Variants in BYSL observed in about 807,000 individuals in gnomAD.
BYSL encodes bystin like, also known as bystin.
In BYSL, 21 loss-of-function variants were observed where a neutral mutation model predicts 45.4. The observed-to-expected ratio is 0.46, with a 90% CI of 0.33 to 0.67. The LOEUF (loss-of-function observed/expected upper bound fraction) is 0.67, where lower values mean the gene tolerates loss of function less well. BYSL is among the 30% of genes least tolerant of loss of function. BYSL has a pLI of 0.02. For synonymous variants in BYSL, 215 were observed against 231.3 expected (o/e 0.93, Z 0.64); for missense variants, 522 against 578.5 (o/e 0.90, Z 1.00).
chr6:41,925,145 A>G (rs1315698664), intron 1 of BYSL, among the ~76,000 whole-genome samples: 1 of 152,148 alleles, frequency 6.6e-6, no homozygotes, highest in Non-Finnish European at 1.5e-5. Context: ...GTCTGGCACT[A>G]AGGAGAACCA....
chr6:41,922,622 C>G (rs547648849), intron 1 of BYSL, among the ~76,000 whole-genome samples: 1 of 152,328 alleles, frequency 6.6e-6, no homozygotes, highest in East Asian at 1.9e-4. Flanking sequence ...AACCTCTTCT[C>G]CTCAGTCCTC....
In BYSL at chr6:41,932,764, G is replaced by A; in HGVS notation, c.*58G>A. 1 of 1,522,988 alleles carries A rather than the reference G, an allele frequency of 6.6e-7. No individual in the cohort carries two copies. Among genetic ancestry groups the A allele is most frequent in the Non-Finnish European group, 8.9e-7 (1 of 1,124,126 alleles). The allele number at this position is 1,522,988 out of a possible 1,614,324, so 94.3% of individuals were successfully genotyped here. A position where few individuals can be genotyped will look rare whatever the true frequency, so the allele number is the denominator to read the frequency against. On this transcript the variant is annotated 3_prime_UTR_variant, in exon 7 of 7. Transcript: ENST00000230340. The surrounding 1 kb of genome is among the most constrained non-coding windows in gnomAD (Gnocchi z 4.7). ...TTGGAAGGACACCAAGACCCCCGTT[G>A]GTGACTGAAGATGACACTGAGCTTT...
the BYSL span, chr6:41,909,034 A>C: frequency 1.9e-6 from 1 of 532,824 alleles, no homozygotes; most frequent in Non-Finnish European, 3.2e-6. Flanking sequence ...AAAAAAAAAA[A>C]ATTTAATTCG....
At chr6:41,924,312 C>G (rs1775534255) in intron 1 of BYSL, among the ~76,000 whole-genome samples, 1 of 151,876 alleles carries the variant, frequency 6.6e-6, no homozygotes, top group Non-Finnish European at 1.5e-5. Flanking sequence ...CTCAGGTGAT[C>G]CACCCGCCTC....
At chr6:41,926,330 C>T (rs751288381) in intron 1 of BYSL, among the ~76,000 whole-genome samples, 3 of 152,244 alleles carry the variant, frequency 2.0e-5, no homozygotes, top group Non-Finnish European at 2.9e-5. Context: ...TACCCAACTT[C>T]TCAGTGCTTC....
In BYSL at chr6:41,927,473, T is replaced by A. The variant is rs1221764898; in HGVS notation, c.368T>A (p.Val123Glu). ...ACAGCAGCGGGCCATCATGCAGAGG[T>A]GGTTGTGGACCCTGAGGATGAGCGT... ...TMTAAGHHAE[V>E]VVDPEDERAI... The change falls in exon 2 of 7, where the codon GTG becomes GAG. Residue 123 changes from valine (V) to glutamate (E), a missense_variant. Physicochemically the swap from Val to Glu is moderately radical, Grantham distance 121. Transcript: ENST00000230340. 6.8e-6 allele frequency: 11 copies of A among 1,613,866 alleles called. No homozygotes were observed. The highest frequency in any genetic ancestry group is 9.3e-6 in the Non-Finnish European group (11 of 1,179,968).
At chr6:41,917,600 G>T (rs1256835254), upstream of BYSL, 4 of 365,180 alleles carry the variant, frequency 1.1e-5, no homozygotes, top group South Asian at 7.9e-5. Flanking sequence ...ACAGTTCTCA[G>T]GATTCTCGCA....
intron 4 of BYSL, 151 bp from the exon 5 acceptor site, chr6:41,931,245 C>T (rs1775635338): frequency 1.2e-6 from 1 of 862,680 alleles, no homozygotes; most frequent in Non-Finnish European, 1.8e-6. Context: ...ATGGGTGTTG[C>T]ATGCACACAG....
upstream of BYSL, chr6:41,917,563 C>T (rs1388817715): frequency 3.0e-6 from 1 of 336,614 alleles, no homozygotes; most frequent in Non-Finnish European, 6.0e-6. Flanking sequence ...GACCACAGTC[C>T]CTGAGAGCCC....
In BYSL at chr6:41,932,202, A is replaced by C. The variant is rs145805421; in HGVS notation, c.969-159A>C. Among the ~76,000 whole-genome samples the C allele has an allele frequency of 5.4e-4, 82 of 152,168 alleles. No homozygotes were observed. The highest frequency in any genetic ancestry group is 3.4e-3 in the Middle Eastern group (1 of 294). ...TAGAGATGGTGACTGAGGTCAAGGG[A>C]GTATAATATGATTGTGTAGGTGAGA... On this transcript the variant is annotated intron_variant, in intron 6 of 6. Coordinates refer to ENST00000230340, the MANE Select transcript of BYSL (RefSeq NM_004053.4). The surrounding 1 kb of genome is among the most constrained non-coding windows in gnomAD (Gnocchi z 4.7).
chr6:41,927,381 A>T lies in BYSL; in HGVS notation c.276A>T (p.Arg92Ser), dbSNP rs770983084. 16 of 1,613,986 alleles carry T rather than the reference A, an allele frequency of 9.9e-6. No individual in the cohort carries two copies. The highest frequency in any genetic ancestry group is 2.2e-5 in the South Asian group (2 of 91,084). Residue 92 changes from arginine (R) to serine (S), a missense_variant, in exon 2 of 7, where the codon AGA (arginine) becomes AGT (serine). Coordinates refer to ENST00000230340, the MANE Select transcript of BYSL (RefSeq NM_004053.4). ...PRERTTRLGPRMPQDGSDDED... is the reference protein window; with the variant it reads ...PRERTTRLGPSMPQDGSDDED... ...TAGTCTCCCCTCTTCTAGGTCCAAG[A>T]ATGCCTCAGGATGGATCAGATGACG...
At chr6:41,911,307 C>T in the BYSL span, among the ~76,000 whole-genome samples, 1 of 151,760 alleles carries the variant, frequency 6.6e-6, no homozygotes, top group African/African-American at 2.4e-5. Flanking sequence ...TGAGCCACCA[C>T]ACCTGGCTAA....
intron 3 of BYSL, 44 bp from the exon 4 acceptor site, chr6:41,930,591 C>T (rs746769803): frequency 7.0e-6 from 11 of 1,574,978 alleles, no homozygotes; most frequent in Non-Finnish European, 8.6e-6. Flanking sequence ...AGCAAGCTTG[C>T]CATATGTGGA....
upstream of BYSL, chr6:41,917,834 A>G (rs904965539): frequency 1.1e-5 from 5 of 468,608 alleles, no homozygotes; most frequent in Admixed American, 9.4e-5. Flanking sequence ...AGTAGCCCAG[A>G]GCCACAGGTG....
At chr6:41,930,472 C>CT in intron 3 of BYSL, 163 bp from the exon 4 acceptor site, 3 of 1,224,620 alleles carry the variant, frequency 2.4e-6, no homozygotes, top group Non-Finnish European at 3.3e-6. Flanking sequence ...TACTGGAACT[C>CT]TCACTGGTCA....
chr6:41,918,301 C>T (rs1001236599), upstream of BYSL, among the ~76,000 whole-genome samples: 7 of 149,084 alleles, frequency 4.7e-5, no homozygotes, highest in Non-Finnish European at 1.0e-4. Flanking sequence ...GTCAGGAGTT[C>T]GAGACCAGCC....
upstream of BYSL, among the ~76,000 whole-genome samples, chr6:41,919,740 T>TTTG (rs1257476059): frequency 1.3e-5 from 2 of 152,110 alleles, no homozygotes; most frequent in African/African-American, 4.8e-5. Flanking sequence ...GACCTGCATG[T>TTTG]ACAAAACAGC....
Position 41,932,096 on chromosome 6 carries a change from G to A in BYSL, c.969-265G>A, listed in dbSNP as rs974790095. ...GGAAGAAAGTAGTTAGGGTGGAGACGTTGAGATGTTTGGACCATACTCTAG... is the reference window on the plus strand; with the variant it reads ...GGAAGAAAGTAGTTAGGGTGGAGACATTGAGATGTTTGGACCATACTCTAG... On this transcript the variant is annotated intron_variant, in intron 6 of 6. Coordinates refer to ENST00000230340, the MANE Select transcript of BYSL (RefSeq NM_004053.4). The surrounding 1 kb of genome is among the most constrained non-coding windows in gnomAD (Gnocchi z 4.7). Among the ~76,000 whole-genome samples, 2 of 152,158 alleles carry A rather than the reference G, an allele frequency of 1.3e-5. No homozygotes were observed. The highest frequency in any genetic ancestry group is 2.9e-5 in the Non-Finnish European group (2 of 68,030).
At chr6:41,922,346 T>C (rs1775496542) in intron 1 of BYSL, among the ~76,000 whole-genome samples, 1 of 152,190 alleles carries the variant, frequency 6.6e-6, no homozygotes, top group Non-Finnish European at 1.5e-5. Flanking sequence ...GAAAAACGAA[T>C]GGGAAGTGTT....
Sources: gnomAD v4.1 joint callset for allele counts (sites outside exome capture counted in the v4.1 genomes callset) on GRCh38, gnomAD v4.1.1 for gene constraint, Gnocchi (gnomAD v3.1) non-coding constraint, MANE v1.5 for transcripts, NCBI Gene and HGNC (gene_info 2026-07-23, HGNC 2026-07-21) for gene names.